Variants in KLHDC4 observed in about 807,000 individuals in gnomAD.
KLHDC4 encodes the protein kelch domain-containing protein 4.
KLHDC4 carries 90 observed loss-of-function variants against 62.4 expected under a neutral mutation model. The ratio of observed to expected loss-of-function variants is 1.44; its 90% CI spans 1.22 to 1.72. The LOEUF is 1.72. KLHDC4 is among the 40% of genes most tolerant of loss of function. The pLI, the probability that KLHDC4 is intolerant of heterozygous loss-of-function variation, is 0.00. For missense variants in KLHDC4, 1,025 were observed against 699.7 expected (o/e 1.47, Z -5.25); for synonymous variants, 386 against 284.4 (o/e 1.36, Z -3.59).
rs143116489 is a variant in KLHDC4, at chr16:87,728,586, C to G, written c.600-1662G>C. 3.8e-3 allele frequency among the ~76,000 whole-genome samples: 580 copies of G among 152,296 alleles called. 3 individuals are homozygous for G. The highest frequency in any genetic ancestry group is 0.012 in the African/African-American group (496 of 41,568). Reference sequence around the variant, plus strand: ...CCTGTAAGTTCAAAGGAGGAAGGGGCTGTACAATCTCACTGTCCTACACAT... The same window carrying G: ...CCTGTAAGTTCAAAGGAGGAAGGGGGTGTACAATCTCACTGTCCTACACAT... On this transcript the variant is annotated intron_variant, in intron 6 of 11. Transcript: ENST00000270583.
chr16:87,737,248 ATGAAG>A (rs2041486988), intron 5 of KLHDC4, among the ~76,000 whole-genome samples: 1 of 152,002 alleles, frequency 6.6e-6, no homozygotes, highest in Non-Finnish European at 1.5e-5. Context: ...ATGACATCAC[ATGAAG>A]TTAGAGGCCT....
At chr16:87,718,106 C>A (rs1245593186) in intron 7 of KLHDC4, among the ~76,000 whole-genome samples, 1 of 152,158 alleles carries the variant, frequency 6.6e-6, no homozygotes, top group Non-Finnish European at 1.5e-5. Context: ...ACAGCAGTTT[C>A]TTTTCTTGAA....
At chr16:87,732,733 A>T (rs2040603350) in intron 5 of KLHDC4, among the ~76,000 whole-genome samples, 1 of 152,166 alleles carries the variant, frequency 6.6e-6, no homozygotes, top group Admixed American at 6.5e-5. Flanking sequence ...GCACGTGAAA[A>T]GGCAGGTCCA....
At chr16:87,764,873 A>AGGGAAAAG (rs2046400647) in intron 1 of KLHDC4, among the ~76,000 whole-genome samples, 1 of 149,696 alleles carries the variant, frequency 6.7e-6, no homozygotes. Context: ...GAGGAGTGTG[A>AGGGAAAAG]GGGAAAAGTC....
chr16:87,755,595 G>C (rs1159428281), intron 3 of KLHDC4: 4 of 243,678 alleles, frequency 1.6e-5, no homozygotes, highest in Non-Finnish European at 1.6e-5. Context: ...TTGAGATGAA[G>C]TCTCGCTGTT....
chr16:87,752,314 A>G (rs1250257917), intron 4 of KLHDC4, among the ~76,000 whole-genome samples: 9 of 148,478 alleles, frequency 6.1e-5, no homozygotes, highest in African/African-American at 2.2e-4. Context: ...GTAATCCACA[A>G]TCCGATCCAC....
chr16:87,764,146 G>C (rs2046268973), intron 1 of KLHDC4, among the ~76,000 whole-genome samples: 1 of 152,208 alleles, frequency 6.6e-6, no homozygotes, highest in African/African-American at 2.4e-5. Context: ...TGATTAGGTT[G>C]TATTACAGAC....
At chr16:87,720,785 G>T (rs2038134972) in intron 7 of KLHDC4, among the ~76,000 whole-genome samples, 1 of 152,220 alleles carries the variant, frequency 6.6e-6, no homozygotes, top group Admixed American at 6.5e-5. Context: ...AACTGCTTCA[G>T]GGAAGCTGCT....
chr16:87,765,669 C>T, intron 1 of KLHDC4, 123 bp downstream of exon 1: 1 of 937,578 alleles, frequency 1.1e-6, no homozygotes, highest in Non-Finnish European at 1.5e-6. Context: ...CCTACGGCCT[C>T]CAGCTCTCCC....
intron 11 of KLHDC4, 116 bp from the exon 12 acceptor site, chr16:87,708,191 C>T (rs543606795): frequency 3.2e-6 from 2 of 621,424 alleles, no homozygotes; most frequent in South Asian, 1.9e-5. Context: ...AAAGAGCCCA[C>T]AGGCACACGG....
At chr16:87,733,912 A>C (rs1465975892) in intron 5 of KLHDC4, among the ~76,000 whole-genome samples, 6 of 152,232 alleles carry the variant, frequency 3.9e-5, no homozygotes, top group Admixed American at 6.5e-5. Context: ...AAGGATGGTT[A>C]CAGCTTCAAT....
At chr16:87,718,654 G>A (rs964164652) in intron 7 of KLHDC4, among the ~76,000 whole-genome samples, 2 of 151,772 alleles carry the variant, frequency 1.3e-5, no homozygotes, top group African/African-American at 4.8e-5. Flanking sequence ...CACCTCGTCT[G>A]GGAAGTGAGG....
downstream of KLHDC4, among the ~76,000 whole-genome samples, chr16:87,703,641 TG>T (rs2034301271): frequency 6.6e-6 from 1 of 151,984 alleles, no homozygotes; most frequent in Non-Finnish European, 1.5e-5. Flanking sequence ...CCTCTAAAGG[TG>T]GGTCCCCTGG....
chr16:87,754,149 A>T (rs1182601028), intron 4 of KLHDC4, among the ~76,000 whole-genome samples: 1 of 152,026 alleles, frequency 6.6e-6, no homozygotes, highest in Non-Finnish European at 1.5e-5. Context: ...CAAAAAAAAT[A>T]AAATAAAGAT....
intron 6 of KLHDC4, among the ~76,000 whole-genome samples, chr16:87,728,766 GT>G (rs2039823293): frequency 6.6e-6 from 1 of 152,028 alleles, no homozygotes; most frequent in African/African-American, 2.4e-5. Flanking sequence ...GGATCATGAG[GT>G]CAGGAGTTCG....
At chr16:87,706,796 TCTC>T (rs1185557121), downstream of KLHDC4, among the ~76,000 whole-genome samples, 2 of 152,080 alleles carry the variant, frequency 1.3e-5, no homozygotes, top group Non-Finnish European at 2.9e-5. Context: ...AGGCGACACT[TCTC>T]AAGCCATCGC....
chr16:87,755,342 G>A, intron 3 of KLHDC4, 50 bp from the exon 4 acceptor site: 2 of 952,510 alleles, frequency 2.1e-6, no homozygotes, highest in Non-Finnish European at 1.7e-6. Context: ...CGCTTCCAAG[G>A]AAGTGGTGAG....
intron 5 of KLHDC4, among the ~76,000 whole-genome samples, chr16:87,744,580 C>CAA (rs754549811): frequency 3.7e-5 from 5 of 136,972 alleles, no homozygotes; most frequent in Admixed American, 2.9e-4. Context: ...TAGACTGTCT[C>CAA]AGAAAAAAAA....
chr16:87,726,817 A>T lies in KLHDC4; in HGVS notation c.707T>A (p.Met236Lys). 6.2e-7 allele frequency: 1 copy of T among 1,610,628 alleles called. No individual in the cohort carries two copies. The highest frequency in any genetic ancestry group is 1.1e-5 in the South Asian group (1 of 90,846). Residue 236 changes from methionine (M) to lysine (K), a missense_variant, in exon 7 of 12, where the codon ATG becomes AAG. By Grantham distance (95) the Met-to-Lys change is moderately conservative. Transcript: ENST00000270583. ...TGPTPRSGCQ[M>K]SVTPQGGIVV... ...GATGCCGCCCTGGGGAGTGACGGACATCTGGCAGCCTGATCTGGGTGTGGG... is the reference window on the plus strand; with the variant it reads ...GATGCCGCCCTGGGGAGTGACGGACTTCTGGCAGCCTGATCTGGGTGTGGG...
Sources: allele counts gnomAD v4.1 joint callset (sites outside exome capture counted in the v4.1 genomes callset), GRCh38; gene constraint gnomAD v4.1.1; transcripts MANE v1.5; gene names NCBI Gene and HGNC (gene_info 2026-07-23, HGNC 2026-07-21).